The following DISP3 variants were observed in gnomAD, a reference collection of about 807,000 sequenced individuals.
The protein encoded by DISP3 is dispatched RND transporter family member 3.
Under a neutral mutation model 135.3 loss-of-function variants are expected in DISP3, and 101 were observed. The observed-to-expected ratio is 0.75, with a 90% CI of 0.64 to 0.88. The LOEUF is 0.88. DISP3 is among the 40% of genes least tolerant of loss of function. The probability of loss-of-function intolerance (pLI) is 0.00; values close to 1 mark genes in which losing one functional copy is unlikely to be tolerated. For synonymous variants in DISP3, 856 were observed against 817.0 expected (o/e 1.05, Z -0.81); for missense variants, 1,713 against 1,878.6 (o/e 0.91, Z 1.63).
intron 3 of DISP3, among the ~76,000 whole-genome samples, chr1:11,510,550 C>T (rs1641829389): frequency 6.6e-6 from 1 of 151,936 alleles, no homozygotes. Flanking sequence ...TGTCAATTAT[C>T]TTTTAAAGAG....
intron 5 of DISP3, 76 bp downstream of exon 5, chr1:11,515,579 A>G: frequency 1.3e-6 from 2 of 1,530,150 alleles, no homozygotes; most frequent in African/African-American, 1.4e-5. Flanking sequence ...CCCTGGATAC[A>G]AAGCCTGGCT....
chr1:11,489,154 C>T (rs1043957637), intron 1 of DISP3, among the ~76,000 whole-genome samples: 1 of 152,222 alleles, frequency 6.6e-6, no homozygotes, highest in Non-Finnish European at 1.5e-5. Context: ...TTCTCTGTTC[C>T]TTCCCAGGCA....
Position 11,536,097 on chromosome 1 carries a change from T to C in DISP3, c.3817-227T>C, listed in dbSNP as rs181497910. 9.1e-4 allele frequency among the ~76,000 whole-genome samples: 139 copies of C among 152,290 alleles called. No homozygotes were observed. The highest frequency in any genetic ancestry group is 6.8e-3 in the Middle Eastern group (2 of 294). On this transcript the variant is annotated intron_variant, in intron 20 of 20. Coordinates refer to ENST00000294484, the MANE Select transcript of DISP3 (RefSeq NM_020780.2). This position sits in a 1 kb window ranked among gnomAD's most constrained non-coding sequence, Gnocchi z 4.3. Reference sequence around the variant, plus strand: ...TGGTGTGAAAACATTCACAAATGTGTAAAGATCAACTCAGTTACACAGGAC... The same window carrying C: ...TGGTGTGAAAACATTCACAAATGTGCAAAGATCAACTCAGTTACACAGGAC...
Position 11,531,052 on chromosome 1 carries a change from G to T in DISP3, c.3229+19G>T, listed in dbSNP as rs1450216943. On this transcript the variant is annotated intron_variant, in intron 16 of 20. Transcript: ENST00000294484. This position sits in a 1 kb window ranked among gnomAD's most constrained non-coding sequence, Gnocchi z 5.2. ...CCTTCAGGTGCGTGGGGTGTGGGGA[G>T]CTGGTTCCTCCGAGGGAGGATGGAC... 2 of 1,612,316 alleles carry T rather than the reference G, an allele frequency of 1.2e-6. No homozygotes were observed. The highest frequency in any genetic ancestry group is 8.5e-7 in the Non-Finnish European group (1 of 1,179,828).
In DISP3 at chr1:11,501,560, TCCGCGG is replaced by T; in HGVS notation, c.570_575del (p.Ala191_Ala192del). On this transcript the variant is annotated inframe_deletion, in exon 2 of 21. Coordinates refer to ENST00000294484, the MANE Select transcript of DISP3 (RefSeq NM_020780.2). This position sits in a 1 kb window ranked among gnomAD's most constrained non-coding sequence, Gnocchi z 4.9. Reference sequence around the variant, plus strand: ...TGGCCCAGGCCCTTACCGGGACACTTCCGCGGCTCAAAAGCCCACAGCCAATCGGAG... The same window carrying T: ...TGGCCCAGGCCCTTACCGGGACACTTCTCAAAAGCCCACAGCCAATCGGAG... The T allele has an allele frequency of 6.3e-7, 1 of 1,588,286 alleles. No homozygotes were observed.
intron 17 of DISP3, among the ~76,000 whole-genome samples, chr1:11,533,248 T>G (rs368117306): frequency 2.8e-4 from 42 of 147,622 alleles, no homozygotes; most frequent in Middle Eastern, 3.6e-3. Flanking sequence ...CTTTGGTGAC[T>G]GTTTCTTTTT....
chr1:11,517,675 C>A, intron 7 of DISP3, 73 bp downstream of exon 7: 1 of 1,553,204 alleles, frequency 6.4e-7, no homozygotes, highest in Non-Finnish European at 8.8e-7. Context: ...AGTGCAGCAA[C>A]CTCTCTTCCA....
chr1:11,517,979 C>T (rs1642060143), intron 7 of DISP3, among the ~76,000 whole-genome samples: 1 of 152,224 alleles, frequency 6.6e-6, no homozygotes, highest in Non-Finnish European at 1.5e-5. Context: ...AACTCTGCTT[C>T]CAGATCCCAT....
chr1:11,522,618 A>AGCCAGGGCCCAGCCAGGGCCCAGCCAGGG (rs1642241635), intron 10 of DISP3, among the ~76,000 whole-genome samples: 1 of 35,430 alleles, frequency 2.8e-5, no homozygotes, highest in Non-Finnish European at 6.1e-5. Flanking sequence ...CCCAGCCAGG[A>AGCCAGGGCCCAGCCAGGGCCCAGCCAGGG]CCCAGCCAGA....
intron 1 of DISP3, among the ~76,000 whole-genome samples, chr1:11,494,738 G>A (rs1388309800): frequency 6.6e-6 from 1 of 152,206 alleles, no homozygotes; most frequent in African/African-American, 2.4e-5. Context: ...GGAAGAAAAA[G>A]CTGATTAGCT....
At position 11,520,749 on chromosome 1, in the gene DISP3, C is replaced by A; in HGVS notation, c.2263C>A (p.Arg755=). 6.2e-7 allele frequency: 1 copy of A among 1,613,566 alleles called. No homozygotes were observed. The highest frequency in any genetic ancestry group is 1.3e-5 in the African/African-American group (1 of 75,054). ...CGCCAGCCGGCTCCGCCCCGCCAGC[C>A]GGGCCCCGCTACTCTTCCGGCCTGA... is the stretch of plus-strand genomic sequence containing the variant. The part of the protein sequence containing the change: ...VFASRLRPAS[R]APLLFRPDTN... The change falls in exon 10 of 21, where the codon CGG becomes AGG. Residue 755 remains arginine, a synonymous_variant. Coordinates refer to ENST00000294484, the MANE Select transcript of DISP3 (RefSeq NM_020780.2). This position sits in a 1 kb window ranked among gnomAD's most constrained non-coding sequence, Gnocchi z 4.8.
At position 11,529,345 on chromosome 1, in the gene DISP3, G is replaced by T. The variant is rs2100508613; in HGVS notation, c.2799-211G>T. Among the ~76,000 whole-genome samples, 1 of 152,210 alleles carries T rather than the reference G, an allele frequency of 6.6e-6. No homozygotes were observed. Among genetic ancestry groups the T allele is most frequent in the Admixed American group, 6.5e-5 (1 of 15,308 alleles). On this transcript the variant is annotated intron_variant, in intron 13 of 20. Transcript: ENST00000294484. This position sits in a 1 kb window ranked among gnomAD's most constrained non-coding sequence, Gnocchi z 4.7. The stretch of plus-strand genomic sequence containing the variant: ...TTACTAGGTTCCCATAGTCAGCCTT[G>T]GCAGGGGCAGGGCTAGAACAGCCTC...
At chr1:11,527,259 T>G (rs995063128) in intron 13 of DISP3, among the ~76,000 whole-genome samples, 14 of 151,638 alleles carry the variant, frequency 9.2e-5, no homozygotes, top group Non-Finnish European at 1.9e-4. Context: ...CAGACTCCTT[T>G]AAGAAACTGC....
intron 10 of DISP3, among the ~76,000 whole-genome samples, chr1:11,522,695 G>A (rs371547363): frequency 0.037 from 1,360 of 36,788 alleles, 4 homozygotes; most frequent in Admixed American, 0.066. Flanking sequence ...CCCAGCCAGG[G>A]CCCAGCCAGG....
In DISP3 at chr1:11,516,283, C is replaced by T; in HGVS notation, c.1749+122C>T. On this transcript the variant is annotated intron_variant, in intron 6 of 20. Transcript: ENST00000294484. This position sits in a 1 kb window ranked among gnomAD's most constrained non-coding sequence, Gnocchi z 5.1. Reference sequence around the variant, plus strand: ...TATAGCCTTCACCTCAAGGTACTTGCCCTGGCTCTAGAGTTCATTTTTGTC... The same window carrying T: ...TATAGCCTTCACCTCAAGGTACTTGTCCTGGCTCTAGAGTTCATTTTTGTC... 1.6e-6 allele frequency: 2 copies of T among 1,223,752 alleles called. No individual in the cohort carries two copies. Among genetic ancestry groups the T allele is most frequent in the Non-Finnish European group, 2.3e-6 (2 of 888,774 alleles). 75.8% of individuals were successfully genotyped at this position (1,223,752 alleles called of 1,614,324 possible). A position where few individuals can be genotyped will look rare whatever the true frequency, so the allele number is the denominator to read the frequency against.
chr1:11,523,950 CAGG>C lies in DISP3; in HGVS notation c.2374_2376del (p.Glu792del). 1.2e-6 allele frequency: 2 copies of C among 1,612,548 alleles called. No individual in the cohort carries two copies. ...ATGGCGCTGGGGGGCAGGTCTGTTC[CAGG>C]AGAAGCCCCACAGCCTGCAGAACAA... On this transcript the variant is annotated inframe_deletion, in exon 11 of 21. Transcript: ENST00000294484.
rs2745262 is a variant in DISP3, at chr1:11,518,323, G to A, written c.1889+721G>A. 1.7e-3 allele frequency among the ~76,000 whole-genome samples: 261 copies of A among 152,262 alleles called. 2 individuals carry two copies. The highest frequency in any genetic ancestry group is 5.3e-3 in the African/African-American group (222 of 41,522). On this transcript the variant is annotated intron_variant, in intron 7 of 20. Transcript: ENST00000294484. The stretch of plus-strand genomic sequence containing the variant: ...GGCTGGAGGGAGAGAAGGGCCCAGC[G>A]AGGAGCTTAGACTTGGGCCTGAGAT...
At chr1:11,504,798 G>T (rs1641651913) in intron 3 of DISP3, among the ~76,000 whole-genome samples, 2 of 152,134 alleles carry the variant, frequency 1.3e-5, no homozygotes, top group Non-Finnish European at 2.9e-5. Context: ...TTCCCAGCCT[G>T]CAGAACCATG....
chr1:11,504,450 G>A (rs2817614), intron 3 of DISP3, among the ~76,000 whole-genome samples: 130,101 of 152,236 alleles, frequency 0.85, 55,679 homozygotes, highest in Admixed American at 0.89. Flanking sequence ...AGCTTGGGCA[G>A]CATTGCCCAG....
Sources: allele counts gnomAD v4.1 joint callset (sites outside exome capture counted in the v4.1 genomes callset), GRCh38; gene constraint gnomAD v4.1.1; non-coding constraint Gnocchi (gnomAD v3.1); transcripts MANE v1.5; gene names NCBI Gene and HGNC (gene_info 2026-07-23, HGNC 2026-07-21).